Variants in COL4A6 observed in about 807,000 individuals in gnomAD.
The protein encoded by COL4A6 is collagen type IV alpha 6 chain, also known as collagen alpha-6(IV) chain.
In COL4A6, 59 loss-of-function variants were observed where a neutral mutation model predicts 126.7. The observed-to-expected ratio is 0.47, with a 90% confidence interval of 0.38 to 0.58. The LOEUF (loss-of-function observed/expected upper bound fraction) is 0.58. Among genes scored for constraint, COL4A6 ranks in the 20% least tolerant of loss-of-function variants. The pLI is 0.00. For synonymous variants in COL4A6, 547 were observed against 496.6 expected (o/e 1.10, Z -1.35); for missense variants, 1,285 against 1,337.3 (o/e 0.96, Z 0.61).
At chrX:108,352,671 T>G (rs1385432281) in intron 2 of COL4A6, among the ~76,000 whole-genome samples, 1 of 112,482 alleles carries the variant, frequency 8.9e-6, no homozygotes, top group Non-Finnish European at 1.9e-5. Flanking sequence ...TTATTTTAAA[T>G]ATCCCAACAA....
chrX:108,347,477 T>C (rs1376759433), intron 2 of COL4A6, among the ~76,000 whole-genome samples: 1 of 111,880 alleles, frequency 8.9e-6, no homozygotes, highest in African/African-American at 3.3e-5. Flanking sequence ...CTTTCAACGT[T>C]GGCCTTCAAG....
At chrX:108,247,550 A>C (rs2036746807) in intron 3 of COL4A6, among the ~76,000 whole-genome samples, 26 of 102,374 alleles carry the variant, frequency 2.5e-4, no homozygotes, top group African/African-American at 4.0e-4. Context: ...TTCCCCCACC[A>C]CCCCCAACTT....
chrX:108,319,134 T>TC (rs11387444), intron 2 of COL4A6, among the ~76,000 whole-genome samples: 10 of 111,012 alleles, frequency 9.0e-5, no homozygotes, highest in African/African-American at 3.3e-4. Context: ...TCCCAGCACT[T>TC]GGGAAGCCAA....
At chrX:108,387,026 A>G (rs1162816323) in intron 2 of COL4A6, among the ~76,000 whole-genome samples, 1 of 111,652 alleles carries the variant, frequency 9.0e-6, no homozygotes, top group Admixed American at 9.5e-5. Flanking sequence ...AGATGCTTGT[A>G]GATATGTGGT....
intron 41 of COL4A6, among the ~76,000 whole-genome samples, chrX:108,162,414 GAGGAA>G (rs2033980889): frequency 9.5e-6 from 1 of 105,479 alleles, no homozygotes; most frequent in Non-Finnish European, 2.0e-5. Flanking sequence ...AGAAGAAGAA[GAGGAA>G]GAAGAAGAGG....
At position 108,178,767 on chromosome X, in the gene COL4A6, G is replaced by C; in HGVS notation, c.2432C>G (p.Pro811Arg). Reference protein sequence around the residue: ...SPGTPGQVGQPGTPGSSGPYG... With the variant: ...SPGTPGQVGQRGTPGSSGPYG... ...TGGACCACTAGATCCTGGGGTGCCT[G>C]GCTGTCCCACCTGTCCTGGTGTCCC... Residue 811 changes from proline to arginine, a missense_variant, in exon 27 of 45, where the codon CCA becomes CGA. By Grantham distance (103) the Pro-to-Arg change is moderately radical (BLOSUM62 -2). Transcript: ENST00000334504. The C allele has an allele frequency of 8.3e-7, 1 of 1,211,830 alleles. No homozygotes were observed. The highest frequency in any genetic ancestry group is 1.1e-6 in the Non-Finnish European group (1 of 895,484).
intron 27 of COL4A6, among the ~76,000 whole-genome samples, chrX:108,177,552 T>A (rs140715461): frequency 8.9e-6 from 1 of 111,823 alleles, no homozygotes; most frequent in Non-Finnish European, 1.9e-5. Context: ...GACCCCCTAG[T>A]GCCAAGTACT....
At chrX:108,302,309 C>T (rs184113055) in intron 3 of COL4A6, among the ~76,000 whole-genome samples, 12 of 111,320 alleles carry the variant, frequency 1.1e-4, no homozygotes, top group African/African-American at 3.9e-4. Flanking sequence ...TTAGCTAATA[C>T]CTTAAGGCAC....
intron 23 of COL4A6, among the ~76,000 whole-genome samples, chrX:108,181,484 C>T (rs1299239714): frequency 1.8e-5 from 2 of 112,034 alleles, no homozygotes; most frequent in Non-Finnish European, 3.8e-5. Flanking sequence ...TCTTTTGATG[C>T]ACTTCATTTG....
intron 19 of COL4A6, among the ~76,000 whole-genome samples, 157 bp from the exon 20 acceptor site, chrX:108,190,653 G>A (rs923473860): frequency 8.9e-6 from 1 of 111,792 alleles, no homozygotes; most frequent in Non-Finnish European, 1.9e-5. Context: ...CCCCAAATCT[G>A]CAGCAAGGAG....
intron 23 of COL4A6, chrX:108,183,798 A>T: frequency 1.1e-6 from 1 of 900,192 alleles, no homozygotes; most frequent in East Asian, 4.2e-5. Flanking sequence ...GAAGAAGAAA[A>T]TTAAACTAGG....
Position 108,190,428 on chromosome X carries a change from C to G in COL4A6, c.1390G>C (p.Gly464Arg), listed in dbSNP as rs781529401. 5.0e-6 allele frequency: 6 copies of G among 1,205,891 alleles called. No individual in the cohort carries two copies. In the African/African-American group the frequency reaches 1.1e-4, roughly 21 times the overall value. Residue 464 changes from glycine to arginine, a missense_variant, in exon 20 of 45, where the codon GGT becomes CGT. Coordinates refer to ENST00000334504, the MANE Select transcript of COL4A6 (RefSeq NM_033641.4). The part of the protein sequence containing the change: ...SGFPGLRGEQ[G>R]PKGNLGLKGI... ...TTGAGGCCTAGGTTTCCTTTTGGAC[C>G]TTGTTCTCCTCGGAGACCAGGGAAC...
Position 108,195,074 on chromosome X carries a change from C to G in COL4A6, c.948+8G>C, listed in dbSNP as rs1370586379. 2 of 1,199,218 alleles carry G rather than the reference C, an allele frequency of 1.7e-6. No homozygotes were observed. The highest frequency in any genetic ancestry group is 2.3e-6 in the Non-Finnish European group (2 of 886,723). On this transcript the variant is annotated splice_region_variant and intron_variant, in intron 15 of 44. Coordinates refer to ENST00000334504, the MANE Select transcript of COL4A6 (RefSeq NM_033641.4). ...ACCCCAAGGCTTTAATGATATTAAC[C>G]AAAATACCTGTTGCCCTGGAGGGCC...
At chrX:108,205,771 C>T in intron 9 of COL4A6, 76 bp from the exon 10 acceptor site, 1 of 858,233 alleles carries the variant, frequency 1.2e-6, no homozygotes, top group Non-Finnish European at 1.7e-6. Flanking sequence ...TGTTGAGAGT[C>T]ACTCCCCAGT....
chrX:108,158,267 G>A (rs2033803143), intron 44 of COL4A6, among the ~76,000 whole-genome samples: 1 of 112,784 alleles, frequency 8.9e-6, no homozygotes, highest in Non-Finnish European at 1.9e-5. Context: ...CACACCAAGG[G>A]GTACGGCCCG....
chrX:108,341,967 T>C (rs1260052978), intron 2 of COL4A6, among the ~76,000 whole-genome samples: 1 of 112,182 alleles, frequency 8.9e-6, no homozygotes. Flanking sequence ...AATGTTATTA[T>C]CATATCTAAG....
intron 2 of COL4A6, among the ~76,000 whole-genome samples, chrX:108,397,441 T>G (rs1032489031): frequency 1.8e-5 from 2 of 111,314 alleles, no homozygotes; most frequent in African/African-American, 6.5e-5. Flanking sequence ...TCTCTTTTTA[T>G]GTCTTGTTTC....
intron 2 of COL4A6, among the ~76,000 whole-genome samples, chrX:108,349,325 T>C (rs769510508): frequency 5.4e-5 from 6 of 111,962 alleles, no homozygotes; most frequent in Non-Finnish European, 1.1e-4. Context: ...TCATCTCTAC[T>C]ATGAAAGGAT....
In COL4A6 at chrX:108,377,941, C is replaced by CAAAAAAAAAAAAA. The variant is rs745969449; in HGVS notation, c.63+59988_63+60000dup. On this transcript the variant is annotated intron_variant, in intron 2 of 44. Coordinates refer to ENST00000334504, the MANE Select transcript of COL4A6 (RefSeq NM_033641.4). ...TGGGCGACAGAGCAAGACTCCGTCT[C>CAAAAAAAAAAAAA]AAAAAAAAAAAAAAAAAAAAAAAAA... Among the ~76,000 whole-genome samples, 23 of 7,248 alleles carry CAAAAAAAAAAAAA rather than the reference C, an allele frequency of 3.2e-3. 3 individuals carry two copies. Among genetic ancestry groups the CAAAAAAAAAAAAA allele is most frequent in the African/African-American group, 7.7e-3 (20 of 2,606 alleles). 6.3% of individuals were successfully genotyped at this position (7,248 alleles called of 115,157 possible). A position where few individuals can be genotyped will look rare whatever the true frequency, so the allele number is the denominator to read the frequency against.
Sources: gnomAD v4.1 joint callset for allele counts (sites outside exome capture counted in the v4.1 genomes callset) on GRCh38, gnomAD v4.1.1 for gene constraint, MANE v1.5 for transcripts, NCBI Gene and HGNC (gene_info 2026-07-23, HGNC 2026-07-21) for gene names.